Variants in ZBED6 observed in about 807,000 individuals in gnomAD.
ZBED6 encodes zinc finger BED-type containing 6, also known as zinc finger BED domain-containing protein 6.
Under a neutral mutation model 58.4 loss-of-function variants are expected in ZBED6, and 40 were observed. The observed-to-expected ratio is 0.68, with a 90% CI of 0.53 to 0.89. The LOEUF is 0.89. ZBED6 is among the 40% of genes least tolerant of loss of function. ZBED6 has a pLI of 0.00. For synonymous variants in ZBED6, 439 were observed against 350.6 expected (o/e 1.25, Z -2.82); for missense variants, 1,057 against 1,003.9 (o/e 1.05, Z -0.71).
chr1:203,797,656 A>T, exon 1 of ZBED6: 2 of 1,536,056 alleles, frequency 1.3e-6, no homozygotes, highest in Non-Finnish European at 1.7e-6. Context: ...GTGGTAGAGG[A>T]AAAGATGGTA....
At chr1:203,808,391 C>A (rs976576415) in intron 1 of ZBED6, among the ~76,000 whole-genome samples, 20 of 152,174 alleles carry the variant, frequency 1.3e-4, no homozygotes, top group Non-Finnish European at 2.9e-5. Context: ...CATTGGAATT[C>A]AAAAATTTTA....
At chr1:203,805,845 A>G (rs1672141174) in intron 1 of ZBED6, 4 of 908,518 alleles carry the variant, frequency 4.4e-6, no homozygotes, top group Admixed American at 1.8e-5. Context: ...CTTGGATTTC[A>G]TTTGCATCTT....
At chr1:203,811,270 T>G (rs1242951749) in intron 1 of ZBED6, among the ~76,000 whole-genome samples, 2 of 152,122 alleles carry the variant, frequency 1.3e-5, no homozygotes, top group African/African-American at 4.8e-5. Context: ...GTCGTGCCAT[T>G]GCACTTCAGC....
exon 1 of ZBED6, chr1:203,798,679 C>T: frequency 6.5e-7 from 1 of 1,536,120 alleles, no homozygotes. Flanking sequence ...ATTCCCGTTG[C>T]AGAGCAAGGC....
At chr1:203,828,401 C>T (rs1681244084) in exon 4 of ZBED6, 1 of 1,612,952 alleles carries the variant, frequency 6.2e-7, no homozygotes, top group Non-Finnish European at 8.5e-7. Context: ...TGTTGATGGC[C>T]TTTTCCTACC....
exon 17 of ZBED6, chr1:203,852,491 TTAGTC>T (rs1689531130): frequency 1.4e-6 from 2 of 1,430,208 alleles, no homozygotes; most frequent in Admixed American, 4.6e-5. Context: ...GATCATTTCT[TTAGTC>T]TAGAATTTGC....
At chr1:203,804,126 C>CTTCTTCATT (rs1376436243) in intron 1 of ZBED6, among the ~76,000 whole-genome samples, 3 of 147,742 alleles carry the variant, frequency 2.0e-5, no homozygotes, top group Non-Finnish European at 3.0e-5. Context: ...GTCTTGCATA[C>CTTCTTCATT]TTCTTCATTT....
Position 203,847,162 on chromosome 1 carries a change from T to C in ZBED6, c.*3742-22T>C, listed in dbSNP as rs757715871. ...GAGATGAACTTCAAGTATAATGACA[T>C]GTTTTTCTCCTGTGAAAACAGATAA... On this transcript the variant is annotated intron_variant, in intron 11 of 16. Transcript: ENST00000550078. The C allele has an allele frequency of 2.0e-5, 32 of 1,609,962 alleles. No homozygotes were observed. In the South Asian group the frequency reaches 3.2e-4, roughly 16 times the overall value.
chr1:203,851,495 A>G (rs1394204234), intron 16 of ZBED6, among the ~76,000 whole-genome samples: 1 of 151,974 alleles, frequency 6.6e-6, no homozygotes, highest in African/African-American at 2.4e-5. Flanking sequence ...AGGCCTAGCT[A>G]ATTTTTGTAT....
intron 1 of ZBED6, among the ~76,000 whole-genome samples, chr1:203,809,460 G>A (rs951969569): frequency 2.6e-5 from 4 of 152,042 alleles, no homozygotes; most frequent in Non-Finnish European, 4.4e-5. Context: ...ACAGGCCTGA[G>A]CCACCGCACC....
intron 3 of ZBED6, among the ~76,000 whole-genome samples, chr1:203,820,221 C>T (rs1678065283): frequency 6.9e-6 from 1 of 145,844 alleles, no homozygotes; most frequent in Non-Finnish European, 1.5e-5. Context: ...GGTGACAGGG[C>T]GAGACTCCAT....
chr1:203,813,194 TTTTTTTG>T (rs796151697), intron 1 of ZBED6, among the ~76,000 whole-genome samples: 221 of 144,494 alleles, frequency 1.5e-3, no homozygotes, highest in African/African-American at 6.1e-3. Context: ...CAATTTAATG[TTTTTTTG>T]TTTTTTGTTT....
At chr1:203,828,904 A>T (rs1681398184) in intron 4 of ZBED6, among the ~76,000 whole-genome samples, 1 of 152,212 alleles carries the variant, frequency 6.6e-6, no homozygotes, top group African/African-American at 2.4e-5. Context: ...TGCCAACCCT[A>T]CTCTAGACTA....
chr1:203,804,704 C>T (rs1193194268), intron 1 of ZBED6, among the ~76,000 whole-genome samples: 4 of 138,344 alleles, frequency 2.9e-5, no homozygotes, highest in African/African-American at 1.1e-4. Flanking sequence ...TGGAGTATTG[C>T]TCTCGTTGCC....
At chr1:203,834,932 C>G (rs1395806973) in intron 9 of ZBED6, among the ~76,000 whole-genome samples, 2 of 152,258 alleles carry the variant, frequency 1.3e-5, no homozygotes, top group Non-Finnish European at 2.9e-5. Context: ...GCATGAGCCA[C>G]TGCTCTGGCC....
rs926629558 is a variant in ZBED6, at chr1:203,816,988, C to G, written c.*2617C>G. The G allele has an allele frequency of 4.3e-5, 40 of 926,832 alleles. 1 individual carries two copies. In the South Asian group the frequency reaches 6.3e-4, roughly 15 times the overall value. 57.4% of individuals were successfully genotyped at this position (926,832 alleles called of 1,614,324 possible). On this transcript the variant is annotated 3_prime_UTR_variant, in exon 2 of 17. Coordinates refer to ENST00000550078, the Ensembl canonical transcript of ZBED6. ...CATTTGGAAGATTAAACCCATTTCA[C>G]GAGGACTTGGAGCCTGGTCCTTGCT...
intron 1 of ZBED6, among the ~76,000 whole-genome samples, chr1:203,809,818 G>A (rs1017403315): frequency 6.6e-6 from 1 of 152,090 alleles, no homozygotes; most frequent in African/African-American, 2.4e-5. Flanking sequence ...GCCAGGCATG[G>A]TGGCAGGCGC....
chr1:203,831,242 G>C (rs1350233218), intron 7 of ZBED6, among the ~76,000 whole-genome samples: 1 of 152,006 alleles, frequency 6.6e-6, no homozygotes, highest in Non-Finnish European at 1.5e-5. Context: ...TATATATAGA[G>C]AGAAATGGTT....
At chr1:203,835,013 A>G (rs1473677073) in intron 9 of ZBED6, among the ~76,000 whole-genome samples, 1 of 152,238 alleles carries the variant, frequency 6.6e-6, no homozygotes, top group Non-Finnish European at 1.5e-5. Flanking sequence ...TGTCCTAAAA[A>G]GGAAACCTTA....
Sources: gnomAD v4.1 joint callset for allele counts (sites outside exome capture counted in the v4.1 genomes callset) on GRCh38, gnomAD v4.1.1 for gene constraint, MANE v1.5 for transcripts, NCBI Gene and HGNC (gene_info 2026-07-23, HGNC 2026-07-21) for gene names.